The following CNTN4 variants were observed in gnomAD, a reference collection of about 807,000 sequenced individuals.
The protein encoded by CNTN4 is contactin-4.
Under a neutral mutation model 122.5 loss-of-function variants are expected in CNTN4, and 77 were observed. The ratio of observed to expected loss-of-function variants is 0.63; its 90% CI spans 0.52 to 0.76. CNTN4 has a LOEUF of 0.76. CNTN4 is among the 30% of genes least tolerant of loss of function. CNTN4 has a pLI of 0.00. For synonymous variants in CNTN4, 512 were observed against 447.0 expected, an observed-to-expected ratio of 1.15 and a Z score of -1.83; for missense variants, 1,256 against 1,259.1, an observed-to-expected ratio of 1.00 and a Z score of 0.04.
intron 13 of CNTN4, among the ~76,000 whole-genome samples, chr3:2,929,617 G>A (rs1015247470): frequency 5.3e-5 from 8 of 152,160 alleles, no homozygotes; most frequent in African/African-American, 7.2e-5. Flanking sequence ...TCAGGACTCT[G>A]TCTCGCTCTC....
At chr3:2,390,391 C>G (rs934475843) in intron 3 of CNTN4, among the ~76,000 whole-genome samples, 3 of 152,004 alleles carry the variant, frequency 2.0e-5, no homozygotes, top group Non-Finnish European at 4.4e-5. Flanking sequence ...AAGAAAGATG[C>G]ACCTAGTTAA....
chr3:2,634,082 A>T (rs1171995339), intron 4 of CNTN4, among the ~76,000 whole-genome samples: 1 of 152,232 alleles, frequency 6.6e-6, no homozygotes, highest in Admixed American at 6.5e-5. Flanking sequence ...TAAATTCATT[A>T]GTAACTCTGG....
At chr3:2,702,462 G>A (rs1467715487) in intron 4 of CNTN4, among the ~76,000 whole-genome samples, 2 of 152,222 alleles carry the variant, frequency 1.3e-5, no homozygotes, top group Non-Finnish European at 2.9e-5. Flanking sequence ...TCTGTGCTCA[G>A]CCAAAGTTGG....
rs1046265327 is a variant in CNTN4, at chr3:2,770,041, T to G, written c.358+24344T>G. On this transcript the variant is annotated intron_variant, in intron 6 of 24. Coordinates refer to ENST00000418658, the MANE Select transcript of CNTN4 (RefSeq NM_175607.3). ...TTTGTTTGTTTGTTTGTTTGTTTTT[T>G]TTTTTTGAGACGAAGTGTCACTCTC... Among the ~76,000 whole-genome samples the G allele has an allele frequency of 2.1e-3, 319 of 150,872 alleles. 2 individuals carry two copies. The highest frequency in any genetic ancestry group is 7.3e-3 in the African/African-American group (296 of 40,432).
chr3:2,866,721 A>G (rs1197106937), intron 7 of CNTN4, 31 bp from the exon 8 acceptor site: 21 of 1,584,126 alleles, frequency 1.3e-5, no homozygotes, highest in Non-Finnish European at 1.7e-5. Context: ...GCCAAAAGAC[A>G]TATTTGTAAT....
At chr3:2,873,738 T>G (rs2150905462) in intron 8 of CNTN4, among the ~76,000 whole-genome samples, 1 of 152,332 alleles carries the variant, frequency 6.6e-6, no homozygotes, top group South Asian at 2.1e-4. Context: ...CTAGTGGGTT[T>G]TTGAACCCAG....
intron 4 of CNTN4, among the ~76,000 whole-genome samples, chr3:2,587,656 G>A (rs1469059033): frequency 2.6e-5 from 4 of 152,204 alleles, no homozygotes; most frequent in African/African-American, 9.6e-5. Context: ...CTATGCGCTC[G>A]ATTCAGTTGA....
chr3:2,727,181 G>T (rs1332679383), intron 4 of CNTN4, among the ~76,000 whole-genome samples: 1 of 152,106 alleles, frequency 6.6e-6, no homozygotes, highest in Non-Finnish European at 1.5e-5. Context: ...AAATGTTTGA[G>T]AATTTAAAAT....
At position 2,807,228 on chromosome 3, in the gene CNTN4, A is replaced by G. The variant is rs1352276666; in HGVS notation, c.359-12258A>G. ...AGCAATGGCATTTCTAAGAACTGAC[A>G]GGTTTAACACACGGCAGCCTTATCT... On this transcript the variant is annotated intron_variant, in intron 6 of 24. Transcript: ENST00000418658. Among the ~76,000 whole-genome samples the G allele has an allele frequency of 2.0e-5, 3 of 152,220 alleles. No homozygotes were observed. In the East Asian group the frequency reaches 5.8e-4, roughly 29 times the overall value.
At chr3:2,682,266 C>T (rs1263929438) in intron 4 of CNTN4, among the ~76,000 whole-genome samples, 1 of 152,306 alleles carries the variant, frequency 6.6e-6, no homozygotes, top group East Asian at 1.9e-4. Context: ...ATTTTGCCCT[C>T]AAGGCGGTTC....
intron 4 of CNTN4, among the ~76,000 whole-genome samples, chr3:2,614,049 A>G (rs2081609764): frequency 6.6e-6 from 1 of 152,222 alleles, no homozygotes; most frequent in Non-Finnish European, 1.5e-5. Context: ...TAGAATAATC[A>G]GAGAAGTCAA....
At position 2,826,142 on chromosome 3, in the gene CNTN4, G is replaced by A. The variant is rs113495764; in HGVS notation, c.454+6561G>A. Among the ~76,000 whole-genome samples, 478 of 152,230 alleles carry A rather than the reference G, an allele frequency of 3.1e-3. 4 individuals are homozygous for A. Among genetic ancestry groups the A allele is most frequent in the African/African-American group, 0.011 (450 of 41,530 alleles). On this transcript the variant is annotated intron_variant, in intron 7 of 24. Coordinates refer to ENST00000418658, the MANE Select transcript of CNTN4 (RefSeq NM_175607.3). Reference sequence around the variant, plus strand: ...TAAGAGTTACTGTTGCCTAGAATGCGCCCTTTTATTTGTATATAGCAGAAA... The same window carrying A: ...TAAGAGTTACTGTTGCCTAGAATGCACCCTTTTATTTGTATATAGCAGAAA...
At chr3:2,944,279 A>T (rs1219014814) in intron 13 of CNTN4, among the ~76,000 whole-genome samples, 1 of 152,172 alleles carries the variant, frequency 6.6e-6, no homozygotes, top group Non-Finnish European at 1.5e-5. Flanking sequence ...TAACTAGAGC[A>T]TAAATTTTTT....
chr3:2,220,597 G>A (rs768444918), intron 2 of CNTN4, among the ~76,000 whole-genome samples: 20 of 151,996 alleles, frequency 1.3e-4, no homozygotes, highest in Non-Finnish European at 2.6e-4. Context: ...TCTGTTTTAC[G>A]TCTGTTTTAG....
intron 4 of CNTN4, among the ~76,000 whole-genome samples, chr3:2,705,663 A>G (rs1230803266): frequency 2.2e-5 from 2 of 92,748 alleles, no homozygotes; most frequent in East Asian, 6.9e-4. Flanking sequence ...TATATTATAT[A>G]TATTTATATA....
intron 4 of CNTN4, among the ~76,000 whole-genome samples, chr3:2,596,968 T>G (rs1042954105): frequency 1.3e-5 from 2 of 152,190 alleles, no homozygotes; most frequent in African/African-American, 4.8e-5. Flanking sequence ...CATTTTTTTT[T>G]TAAATTTGAG....
intron 20 of CNTN4, 95 bp downstream of exon 20, chr3:3,040,366 G>A (rs1700041766): frequency 1.1e-6 from 1 of 908,220 alleles, no homozygotes. Flanking sequence ...CATGGTACAT[G>A]TATCTTGAAG....
At chr3:2,289,480 T>A (rs2042055433) in intron 2 of CNTN4, among the ~76,000 whole-genome samples, 1 of 152,236 alleles carries the variant, frequency 6.6e-6, no homozygotes. Flanking sequence ...CATATCATGG[T>A]GCATGGCACA....
In CNTN4 at chr3:2,410,464, T is replaced by C. The variant is rs1241430570; in HGVS notation, c.-89+71231T>C. Among the ~76,000 whole-genome samples, 3 of 152,344 alleles carry C rather than the reference T, an allele frequency of 2.0e-5. No homozygotes were observed. The East Asian group carries it at 5.8e-4, about 29-fold the overall frequency. On this transcript the variant is annotated intron_variant, in intron 3 of 24. Coordinates refer to ENST00000418658, the MANE Select transcript of CNTN4 (RefSeq NM_175607.3). The stretch of plus-strand genomic sequence containing the variant: ...CAGGCAGTGGAAATAGAAAATGATA[T>C]AAAATTAATCCCTTCTCTTGACAAT...
Sources: allele counts gnomAD v4.1 joint callset (sites outside exome capture counted in the v4.1 genomes callset), GRCh38; gene constraint gnomAD v4.1.1; transcripts MANE v1.5; gene names NCBI Gene and HGNC (gene_info 2026-07-23, HGNC 2026-07-21).